Variants in YBEY observed in about 807,000 individuals in gnomAD.
YBEY encodes ybeY metalloendoribonuclease.
YBEY carries 15 observed loss-of-function variants against 13.5 expected under a neutral mutation model. That is an observed-to-expected ratio of 1.11 (90% CI 0.75 to 1.72). The LOEUF (loss-of-function observed/expected upper bound fraction) is 1.72. Ranked by LOEUF, YBEY falls within the 40% of genes most tolerant of loss-of-function variation. YBEY has a pLI of 0.00. For synonymous variants in YBEY, 101 were observed against 83.1 expected (o/e 1.21, Z -1.17); for missense variants, 244 against 208.4 (o/e 1.17, Z -1.05).
chr21:46,308,303 A>G, the YBEY span, among the ~76,000 whole-genome samples: 2 of 152,090 alleles, frequency 1.3e-5, no homozygotes, highest in African/African-American at 4.8e-5. Context: ...TCTACTAAAA[A>G]TACAAAAATC....
chr21:46,300,788 A>T (rs779677652), downstream of YBEY: 103 of 1,289,168 alleles, frequency 8.0e-5, no homozygotes, highest in Non-Finnish European at 9.1e-5. Flanking sequence ...GAATGAAAGA[A>T]TCTGTCCTAA....
chr21:46,287,996 G>A (rs2145757512), intron 2 of YBEY, among the ~76,000 whole-genome samples: 1 of 149,764 alleles, frequency 6.7e-6, no homozygotes, highest in East Asian at 2.0e-4. Flanking sequence ...TGGGCAAGAA[G>A]AGCGAAACTC....
downstream of YBEY, chr21:46,297,787 A>G (rs1021360797): frequency 4.9e-6 from 6 of 1,228,586 alleles, no homozygotes; most frequent in African/African-American, 1.6e-5. Flanking sequence ...TGTAAATAAA[A>G]CGGTTCCGAG....
chr21:46,291,519 G>A (rs752914772), intron 3 of YBEY, 57 bp downstream of exon 3: 5 of 1,604,736 alleles, frequency 3.1e-6, no homozygotes, highest in Non-Finnish European at 8.5e-7. Flanking sequence ...GCCTTGCAAA[G>A]GGGTCAAGAT....
intron 2 of YBEY, 52 bp from the exon 3 acceptor site, chr21:46,291,282 G>A: frequency 1.9e-6 from 3 of 1,609,118 alleles, no homozygotes; most frequent in African/African-American, 2.7e-5. Flanking sequence ...CTGTCAACCT[G>A]TGGTTGGGTT....
chr21:46,296,044 C>A, intron 3 of YBEY, 118 bp from the exon 4 acceptor site: 1 of 1,039,910 alleles, frequency 9.6e-7, no homozygotes, highest in Non-Finnish European at 1.5e-6. Context: ...AGGGGTCTCA[C>A]AGCAACCCTG....
In YBEY at chr21:46,290,753, T is replaced by C. The variant is rs1356858118; in HGVS notation, c.211-581T>C. On this transcript the variant is annotated intron_variant, in intron 2 of 4. Transcript: ENST00000397701. ...ATGAAACCCCATCTCTACTAAAAAA[T>C]ACAAAAATTAGGCCAGACGCGGTGG... Among the ~76,000 whole-genome samples the C allele has an allele frequency of 2.0e-5, 3 of 146,598 alleles. No homozygotes were observed. The East Asian group carries it at 6.3e-4, about 31-fold the overall frequency.
chr21:46,288,429 G>A (rs1030478338), intron 2 of YBEY, among the ~76,000 whole-genome samples: 4 of 152,216 alleles, frequency 2.6e-5, no homozygotes, highest in African/African-American at 9.6e-5. Flanking sequence ...TGTAATCCCA[G>A]CACTTTGGGA....
chr21:46,300,899 A>C (rs947010791), downstream of YBEY: 4 of 961,168 alleles, frequency 4.2e-6, no homozygotes, highest in African/African-American at 6.9e-5. Flanking sequence ...AGTAACAAAA[A>C]GTAAAGAAAA....
chr21:46,294,511 C>CTT (rs1569101947), intron 3 of YBEY, among the ~76,000 whole-genome samples: 3 of 48,306 alleles, frequency 6.2e-5, no homozygotes, highest in African/African-American at 9.4e-5. Context: ...ATTCCTCCCG[C>CTT]GGTTAGCCTG....
rs1274578396 is a variant in YBEY, at chr21:46,297,652, A to G, written c.*18A>G. The G allele has an allele frequency of 3.1e-6, 4 of 1,291,566 alleles. No homozygotes were observed. Among genetic ancestry groups the G allele is most frequent in the Non-Finnish European group, 4.0e-6 (4 of 1,007,948 alleles). 80.0% of individuals were successfully genotyped at this position (1,291,566 alleles called of 1,614,324 possible). A position where few individuals can be genotyped will look rare whatever the true frequency, so the allele number is the denominator to read the frequency against. On this transcript the variant is annotated 3_prime_UTR_variant, in exon 5 of 5. Transcript: ENST00000397701. The stretch of plus-strand genomic sequence containing the variant: ...GGAGCTGAGGGCCGCGTTCCTTCTG[A>G]AAGCGGGACGCGGGAGGGGTGGAGG...
intron 4 of YBEY, among the ~76,000 whole-genome samples, chr21:46,297,321 C>T (rs1302301541): frequency 3.3e-5 from 5 of 150,762 alleles, no homozygotes; most frequent in Non-Finnish European, 5.9e-5. Flanking sequence ...TCCCGAGGCC[C>T]CGCTTATTCT....
chr21:46,296,093 TG>T, intron 3 of YBEY, 68 bp from the exon 4 acceptor site: 6 of 1,575,748 alleles, frequency 3.8e-6, no homozygotes, highest in Non-Finnish European at 4.4e-6. Context: ...CCTGTGGCCC[TG>T]GGGTGGCCCT....
intron 3 of YBEY, among the ~76,000 whole-genome samples, chr21:46,295,271 C>T (rs1164169706): frequency 6.6e-6 from 1 of 152,052 alleles, no homozygotes. Flanking sequence ...GCCAGGCCAG[C>T]TCTGCTCAGG....
the YBEY span, among the ~76,000 whole-genome samples, chr21:46,307,708 A>G: frequency 6.6e-6 from 1 of 152,184 alleles, no homozygotes; most frequent in South Asian, 2.1e-4. Flanking sequence ...TAATTAACCA[A>G]GTCAGCACAG....
chr21:46,309,073 CTT>C, the YBEY span, among the ~76,000 whole-genome samples: 1 of 152,182 alleles, frequency 6.6e-6, no homozygotes, highest in African/African-American at 2.4e-5. Context: ...AATCCTAGTA[CTT>C]TGGGAGGCTG....
At chr21:46,304,200 T>C in the YBEY span, among the ~76,000 whole-genome samples, 3 of 151,250 alleles carry the variant, frequency 2.0e-5, no homozygotes, top group African/African-American at 7.3e-5. Flanking sequence ...CTAATTTTGT[T>C]TTTGTATTTT....
In YBEY at chr21:46,286,858, C is replaced by G. The variant is rs1438117660; in HGVS notation, c.-44-12C>G. On this transcript the variant is annotated splice_polypyrimidine_tract_variant and intron_variant, in intron 1 of 4. Transcript: ENST00000397701. The stretch of plus-strand genomic sequence containing the variant: ...TTGTACTGATTGGTCTTCTCTTACA[C>G]TTTAACCCCAGGTTCCGTTGCAAAC... 6.4e-6 allele frequency: 10 copies of G among 1,569,112 alleles called. No homozygotes were observed. The highest frequency in any genetic ancestry group is 8.8e-6 in the Non-Finnish European group (10 of 1,142,798).
intron 3 of YBEY, chr21:46,291,896 T>G: frequency 2.1e-6 from 2 of 939,678 alleles, no homozygotes; most frequent in Non-Finnish European, 2.6e-6. Flanking sequence ...GCAATTGTGG[T>G]ATTGCAGTAG....
Sources: allele counts gnomAD v4.1 joint callset (sites outside exome capture counted in the v4.1 genomes callset), GRCh38; gene constraint gnomAD v4.1.1; transcripts MANE v1.5; gene names NCBI Gene and HGNC (gene_info 2026-07-23, HGNC 2026-07-21).